The following TBC1D22A variants were observed in gnomAD, a reference collection of about 807,000 sequenced individuals.
TBC1D22A encodes the protein putative GTPase activator.
TBC1D22A carries 38 observed loss-of-function variants against 60.2 expected under a neutral mutation model. The ratio of observed to expected loss-of-function variants is 0.63; its 90% confidence interval spans 0.49 to 0.83. The LOEUF is 0.83. Among genes scored for constraint, TBC1D22A ranks in the 40% least tolerant of loss-of-function variants. The pLI, the probability that TBC1D22A is intolerant of heterozygous loss-of-function variation, is 0.00. For missense variants in TBC1D22A, 628 were observed against 701.0 expected (o/e 0.90, Z 1.18); for synonymous variants, 302 against 281.7 (o/e 1.07, Z -0.72).
At chr22:46,845,992 A>G (rs9627594) in intron 4 of TBC1D22A, among the ~76,000 whole-genome samples, 53,641 of 152,154 alleles carry the variant, frequency 0.35, 10,154 homozygotes, top group African/African-American at 0.51. Context: ...GAGGGCTGGG[A>G]TGTTGGCTTA....
In TBC1D22A at chr22:46,879,715, A is replaced by C. The variant is rs111546810; in HGVS notation, c.708+992A>C. Among the ~76,000 whole-genome samples the C allele has an allele frequency of 4.4e-3, 671 of 152,284 alleles. 6 individuals are homozygous for C. The highest frequency in any genetic ancestry group is 0.015 in the African/African-American group (642 of 41,544). On this transcript the variant is annotated intron_variant, in intron 5 of 12. Transcript: ENST00000337137. The stretch of plus-strand genomic sequence containing the variant: ...TCCAGTTTTCTAAATGTCCCCTAAG[A>C]TAGGTTGCAGACTTCTCAGGTTGGT...
At chr22:47,131,422 G>A (rs2147116980) in intron 12 of TBC1D22A, among the ~76,000 whole-genome samples, 1 of 152,346 alleles carries the variant, frequency 6.6e-6, no homozygotes, top group Middle Eastern at 3.4e-3. Flanking sequence ...AGTGAACGTT[G>A]CACCACCTGG....
chr22:46,958,572 C>T (rs1435194672), intron 8 of TBC1D22A, among the ~76,000 whole-genome samples: 1 of 152,228 alleles, frequency 6.6e-6, no homozygotes, highest in Non-Finnish European at 1.5e-5. Context: ...AGCCCATCTT[C>T]ACTCAGCCAG....
chr22:47,049,313 C>T (rs113686109), intron 11 of TBC1D22A, among the ~76,000 whole-genome samples: 3 of 152,346 alleles, frequency 2.0e-5, no homozygotes, highest in South Asian at 4.1e-4. Context: ...GTTGAGCATG[C>T]GGAAGTGTGG....
chr22:47,036,051 G>A (rs555827412), intron 10 of TBC1D22A, among the ~76,000 whole-genome samples: 2 of 152,214 alleles, frequency 1.3e-5, no homozygotes, highest in Admixed American at 6.5e-5. Context: ...GAAGTGTTTC[G>A]GGGTCACTTC....
At chr22:47,041,465 A>T (rs1483222128) in intron 11 of TBC1D22A, among the ~76,000 whole-genome samples, 1 of 152,182 alleles carries the variant, frequency 6.6e-6, no homozygotes, top group Middle Eastern at 3.2e-3. Context: ...CTGCGGAGGG[A>T]CTGGAGTGTG....
intron 11 of TBC1D22A, among the ~76,000 whole-genome samples, chr22:47,087,930 A>G (rs2064765148): frequency 6.6e-6 from 1 of 151,936 alleles, no homozygotes; most frequent in African/African-American, 2.4e-5. Context: ...AAAATTAGCC[A>G]GGCGTGGTGG....
At chr22:46,766,039 C>T (rs1380491048) in intron 1 of TBC1D22A, among the ~76,000 whole-genome samples, 1 of 149,096 alleles carries the variant, frequency 6.7e-6, no homozygotes, top group Non-Finnish European at 1.5e-5. Context: ...ACTCTGTTGT[C>T]CAGGCTGGAG....
At chr22:47,071,566 A>T (rs2063990534) in intron 11 of TBC1D22A, among the ~76,000 whole-genome samples, 1 of 152,330 alleles carries the variant, frequency 6.6e-6, no homozygotes. Context: ...TCAAAGTTAC[A>T]ACGGGAAGCC....
intron 12 of TBC1D22A, among the ~76,000 whole-genome samples, chr22:47,146,181 G>T (rs1248038328): frequency 6.6e-6 from 1 of 152,214 alleles, no homozygotes; most frequent in Non-Finnish European, 1.5e-5. Flanking sequence ...GCGGCGCGGG[G>T]ACGCACTGGA....
At chr22:47,113,561 T>C (rs974447568) in intron 12 of TBC1D22A, among the ~76,000 whole-genome samples, 8 of 152,164 alleles carry the variant, frequency 5.3e-5, no homozygotes, top group Admixed American at 1.3e-4. Flanking sequence ...GCCACACATA[T>C]GCGAGGAATG....
At chr22:46,839,987 A>G (rs1020418846) in intron 4 of TBC1D22A, among the ~76,000 whole-genome samples, 3 of 152,360 alleles carry the variant, frequency 2.0e-5, no homozygotes, top group Non-Finnish European at 4.4e-5. Context: ...TTGAAACTGT[A>G]AAACTACTGG....
intron 8 of TBC1D22A, chr22:46,915,280 C>T: frequency 2.5e-6 from 1 of 399,906 alleles, no homozygotes; most frequent in South Asian, 1.8e-5. Flanking sequence ...GGCACGGGTG[C>T]CCTCCAGAGA....
At chr22:46,871,358 C>T (rs1485543602) in intron 4 of TBC1D22A, among the ~76,000 whole-genome samples, 1 of 152,126 alleles carries the variant, frequency 6.6e-6, no homozygotes, top group South Asian at 2.1e-4. Context: ...CATTATCAAC[C>T]AGTGGGATCT....
chr22:47,126,406 C>A (rs531356737), intron 12 of TBC1D22A, among the ~76,000 whole-genome samples: 2 of 152,224 alleles, frequency 1.3e-5, no homozygotes, highest in African/African-American at 2.4e-5. Context: ...GTGGCCCACG[C>A]TTCCCTCTTG....
intron 8 of TBC1D22A, among the ~76,000 whole-genome samples, chr22:46,964,087 G>C (rs1053519271): frequency 2.6e-5 from 4 of 152,238 alleles, no homozygotes; most frequent in Non-Finnish European, 5.9e-5. Context: ...TGCCAGCGGC[G>C]TCTGTTTGAT....
At chr22:47,032,564 C>T (rs1486638120) in intron 10 of TBC1D22A, among the ~76,000 whole-genome samples, 1 of 152,220 alleles carries the variant, frequency 6.6e-6, no homozygotes, top group African/African-American at 2.4e-5. Flanking sequence ...TAAAGCTCGC[C>T]TGAAGCCTCC....
intron 8 of TBC1D22A, among the ~76,000 whole-genome samples, chr22:46,962,613 G>C (rs2073567630): frequency 6.6e-6 from 1 of 152,240 alleles, no homozygotes; most frequent in Non-Finnish European, 1.5e-5. Flanking sequence ...GCGTCCCACA[G>C]TAGGGGTGCG....
At chr22:47,103,704 A>G (rs935862161) in intron 11 of TBC1D22A, among the ~76,000 whole-genome samples, 7 of 152,194 alleles carry the variant, frequency 4.6e-5, no homozygotes, top group African/African-American at 1.7e-4. Context: ...TTTTAATTCC[A>G]ACACAAACAT....
Sources: gnomAD v4.1 joint callset for allele counts (sites outside exome capture counted in the v4.1 genomes callset) on GRCh38, gnomAD v4.1.1 for gene constraint, MANE v1.5 for transcripts, NCBI Gene and HGNC (gene_info 2026-07-23, HGNC 2026-07-21) for gene names.